Variants in NELL1 observed in about 807,000 individuals in gnomAD.
NELL1 encodes neural EGFL like 1.
Under a neutral mutation model 107.4 loss-of-function variants are expected in NELL1, and 76 were observed. The ratio of observed to expected loss-of-function variants is 0.71; its 90% CI spans 0.59 to 0.86. NELL1 has a LOEUF of 0.86. Ranked by LOEUF, NELL1 falls within the 40% of genes least tolerant of loss-of-function variation. The probability of loss-of-function intolerance (pLI) is 0.00; values close to 1 mark genes in which losing one functional copy is unlikely to be tolerated. For missense variants in NELL1, 1,024 were observed against 1,005.5 expected (o/e 1.02, Z -0.25); for synonymous variants, 353 against 341.2 (o/e 1.03, Z -0.38).
rs552751948 is a variant in NELL1 at position 20,870,571 on chromosome 11, T to A, written c.507-14873T>A. Among the ~76,000 whole-genome samples the A allele has an allele frequency of 5.3e-5, 8 of 152,230 alleles. No homozygotes were observed. In the South Asian group the frequency reaches 1.0e-3, roughly 20 times the overall value. Reference sequence around the variant, plus strand: ...CATCCATGAAGTACCTTACCAGACATGGGCCATTATAGTTTAAATGATGAG... The same window carrying A: ...CATCCATGAAGTACCTTACCAGACAAGGGCCATTATAGTTTAAATGATGAG... On this transcript the variant is annotated intron_variant, in intron 4 of 19. Coordinates refer to ENST00000357134, the MANE Select transcript of NELL1 (RefSeq NM_006157.5).
chr11:21,221,016 GGTCTTTATT>G (rs1278884530), intron 13 of NELL1, among the ~76,000 whole-genome samples: 2 of 152,046 alleles, frequency 1.3e-5, no homozygotes, highest in Non-Finnish European at 2.9e-5. Flanking sequence ...TTGCCTATAT[GGTCTTTATT>G]GTGTCTGGGT....
intron 14 of NELL1, among the ~76,000 whole-genome samples, chr11:21,285,206 C>A (rs2133952474): frequency 6.6e-6 from 1 of 152,162 alleles, no homozygotes; most frequent in East Asian, 1.9e-4. Flanking sequence ...GAATTGAGGA[C>A]ATTCTTATCT....
At chr11:21,322,994 G>T (rs914363106) in intron 14 of NELL1, among the ~76,000 whole-genome samples, 9 of 152,050 alleles carry the variant, frequency 5.9e-5, no homozygotes, top group Non-Finnish European at 1.3e-4. Flanking sequence ...AAAAGTGATC[G>T]GCCAATTCAG....
intron 2 of NELL1, among the ~76,000 whole-genome samples, chr11:20,747,813 G>A (rs1164431363): frequency 6.6e-6 from 1 of 152,168 alleles, no homozygotes; most frequent in Non-Finnish European, 1.5e-5. Context: ...TAAGTTTTAG[G>A]CCTTCTTGAG....
At chr11:21,472,777 G>A (rs994929425) in intron 15 of NELL1, among the ~76,000 whole-genome samples, 2 of 151,782 alleles carry the variant, frequency 1.3e-5, no homozygotes, top group Admixed American at 1.3e-4. Flanking sequence ...AATAGGAAAT[G>A]TTCCTAATAA....
At position 20,971,727 on chromosome 11, in the gene NELL1, C is replaced by A. The variant is rs187174712; in HGVS notation, c.1300+11167C>A. ...TTTTGTGAACTTAAGCAGGGAACTT[C>A]ATCTCTCATCATTTTCCCTTTGTAA... On this transcript the variant is annotated intron_variant, in intron 12 of 19. Transcript: ENST00000357134. 3.4e-3 allele frequency among the ~76,000 whole-genome samples: 521 copies of A among 152,294 alleles called. 4 individuals are homozygous for A. Among genetic ancestry groups the A allele is most frequent in the African/African-American group, 0.012 (500 of 41,556 alleles).
At chr11:20,991,969 C>T (rs11025867) in intron 12 of NELL1, among the ~76,000 whole-genome samples, 311 of 112,052 alleles carry the variant, frequency 2.8e-3, no homozygotes, top group Non-Finnish European at 4.5e-3. Context: ...TTCTTTGGTT[C>T]TTTCAAAGCC....
At position 21,232,159 on chromosome 11, in the gene NELL1, A is replaced by AAATATATATATATAT. The variant is rs1554985116; in HGVS notation, c.1549+2706_1549+2707insATATATATATATATA. ...TACTAAAAAAAAATAAAAAAAAAAA[A>AAATATATATATATAT]ATATATATATATATATATAAATTAG... On this transcript the variant is annotated intron_variant, in intron 14 of 19. Transcript: ENST00000357134. Among the ~76,000 whole-genome samples the AAATATATATATATAT allele has an allele frequency of 1.8e-3, 128 of 73,084 alleles. 2 individuals carry two copies. The highest frequency in any genetic ancestry group is 6.4e-3 in the African/African-American group (124 of 19,298). The allele number at this position is 73,084 out of a possible 152,430, so 47.9% of individuals were successfully genotyped here. A position where few individuals can be genotyped will look rare whatever the true frequency, so the allele number is the denominator to read the frequency against.
intron 13 of NELL1, among the ~76,000 whole-genome samples, chr11:21,189,820 A>G (rs571170400): frequency 6.6e-6 from 1 of 151,622 alleles, no homozygotes; most frequent in Non-Finnish European, 1.5e-5. Context: ...TCTACAAAGG[A>G]TGTTGTAACT....
rs553054199 is a variant in NELL1, at chr11:20,822,501, T to A, written c.336-25082T>A. 1.7e-3 allele frequency among the ~76,000 whole-genome samples: 258 copies of A among 152,310 alleles called. 1 individual carries two copies. The highest frequency in any genetic ancestry group is 5.5e-3 in the African/African-American group (229 of 41,570). ...CCTTTTGTAGAGCAAGAGTCATTCT[T>A]GGGGCAGGTATGCCCAGGGCCTGCA... On this transcript the variant is annotated intron_variant, in intron 3 of 19. Coordinates refer to ENST00000357134, the MANE Select transcript of NELL1 (RefSeq NM_006157.5).
At chr11:21,076,277 G>A (rs1392101595) in intron 12 of NELL1, among the ~76,000 whole-genome samples, 1 of 152,222 alleles carries the variant, frequency 6.6e-6, no homozygotes, top group Admixed American at 6.5e-5. Context: ...GATGGAGTCA[G>A]GGTTTCCCCT....
chr11:20,896,133 C>T (rs1849732658), intron 5 of NELL1, among the ~76,000 whole-genome samples: 1 of 152,092 alleles, frequency 6.6e-6, no homozygotes, highest in African/African-American at 2.4e-5. Flanking sequence ...ATCCCTCACC[C>T]TCTCTCACCC....
chr11:21,453,624 A>G (rs1236646737), intron 15 of NELL1, among the ~76,000 whole-genome samples: 1 of 151,792 alleles, frequency 6.6e-6, no homozygotes, highest in Non-Finnish European at 1.5e-5. Flanking sequence ...GGCTATTTGC[A>G]TTTAATAAAA....
intron 18 of NELL1, 100 bp downstream of exon 18, chr11:21,571,040 T>TCCC: frequency 9.2e-7 from 1 of 1,081,170 alleles, no homozygotes; most frequent in East Asian, 2.4e-5. Context: ...CATAATACTA[T>TCCC]ACAGGGAGCT....
At chr11:21,178,790 G>C (rs1261652482) in intron 13 of NELL1, among the ~76,000 whole-genome samples, 1 of 151,334 alleles carries the variant, frequency 6.6e-6, no homozygotes, top group Non-Finnish European at 1.5e-5. Context: ...TTTTCTGTTA[G>C]GTGCATTTAG....
At chr11:20,982,751 G>A (rs1851773904) in intron 12 of NELL1, among the ~76,000 whole-genome samples, 1 of 152,214 alleles carries the variant, frequency 6.6e-6, no homozygotes. Context: ...AGTTGTAAAA[G>A]TGCCCTGGGA....
At chr11:20,904,018 G>A (rs1324051219) in intron 5 of NELL1, among the ~76,000 whole-genome samples, 1 of 152,104 alleles carries the variant, frequency 6.6e-6, no homozygotes, top group Non-Finnish European at 1.5e-5. Flanking sequence ...GTTGTGGAGT[G>A]AGCAGAGCAG....
intron 15 of NELL1, among the ~76,000 whole-genome samples, chr11:21,388,430 T>C (rs1443835988): frequency 6.6e-6 from 1 of 151,888 alleles, no homozygotes; most frequent in African/African-American, 2.4e-5. Flanking sequence ...AACTGTTATC[T>C]AGAGCTTCTG....
chr11:21,427,087 G>C (rs574868148), intron 15 of NELL1, among the ~76,000 whole-genome samples: 1 of 152,264 alleles, frequency 6.6e-6, no homozygotes, highest in African/African-American at 2.4e-5. Context: ...GGCAGTAGGG[G>C]CAGCAGGTGG....
Sources: allele counts gnomAD v4.1 joint callset (sites outside exome capture counted in the v4.1 genomes callset), GRCh38; gene constraint gnomAD v4.1.1; transcripts MANE v1.5; gene names NCBI Gene and HGNC (gene_info 2026-07-23, HGNC 2026-07-21).